Variants in FOXP1 observed in about 807,000 individuals in gnomAD.
FOXP1 encodes forkhead box protein P1.
A neutral mutation model predicts 98.2 loss-of-function variants in FOXP1; 15 were observed. That is an observed-to-expected ratio of 0.15 (90% CI 0.10 to 0.24). The LOEUF (loss-of-function observed/expected upper bound fraction) is 0.24. Among genes scored for constraint, FOXP1 ranks in the 10% least tolerant of loss-of-function variants. The pLI is 1.00. For missense variants in FOXP1, 633 were observed against 848.5 expected (o/e 0.75, Z 3.15); for synonymous variants, 371 against 314.5 (o/e 1.18, Z -1.90).
intron 3 of FOXP1, among the ~76,000 whole-genome samples, chr3:71,397,025 CATAT>C (rs1553871547): frequency 5.9e-5 from 1 of 17,014 alleles, no homozygotes; most frequent in African/African-American, 2.2e-4. Flanking sequence ...TATATATATA[CATAT>C]ATATGTGTAT....
chr3:71,479,387 C>G (rs1178418669), intron 3 of FOXP1, among the ~76,000 whole-genome samples: 1 of 152,154 alleles, frequency 6.6e-6, no homozygotes, highest in South Asian at 2.1e-4. Context: ...AAGAAGTACC[C>G]TTAAGTGAAT....
chr3:71,122,688 C>A (rs1056942352), intron 6 of FOXP1, among the ~76,000 whole-genome samples: 1 of 152,148 alleles, frequency 6.6e-6, no homozygotes, highest in African/African-American at 2.4e-5. Context: ...AAGGGAAGTT[C>A]GGGAAAGTTT....
intron 2 of FOXP1, among the ~76,000 whole-genome samples, chr3:71,542,732 C>T (rs1477048085): frequency 6.6e-6 from 1 of 152,210 alleles, no homozygotes; most frequent in Admixed American, 6.5e-5. Context: ...AAGGAACTGT[C>T]TTGAAGGCTG....
intron 7 of FOXP1, among the ~76,000 whole-genome samples, chr3:71,081,869 T>C (rs1429875403): frequency 6.6e-6 from 1 of 152,252 alleles, no homozygotes; most frequent in Non-Finnish European, 1.5e-5. Context: ...TATCTAAATT[T>C]AAATGAATTA....
At chr3:71,406,412 T>C (rs1002755711) in intron 3 of FOXP1, among the ~76,000 whole-genome samples, 17 of 138,220 alleles carry the variant, frequency 1.2e-4, no homozygotes, top group Non-Finnish European at 2.6e-4. Flanking sequence ...TGTGTATATA[T>C]ATATATATAT....
chr3:71,531,519 G>A (rs1380600365), intron 2 of FOXP1, among the ~76,000 whole-genome samples: 1 of 152,140 alleles, frequency 6.6e-6, no homozygotes, highest in Admixed American at 6.5e-5. Context: ...AAAAAAGAAG[G>A]AAGGAAACAA....
chr3:71,163,098 G>C (rs929016847), intron 6 of FOXP1, among the ~76,000 whole-genome samples: 2 of 152,118 alleles, frequency 1.3e-5, no homozygotes, highest in South Asian at 4.1e-4. Flanking sequence ...GAACTTTGAC[G>C]GTAACTAGGA....
chr3:71,047,571 G>A (rs2049202004), intron 9 of FOXP1, among the ~76,000 whole-genome samples: 1 of 152,126 alleles, frequency 6.6e-6, no homozygotes, highest in Non-Finnish European at 1.5e-5. Flanking sequence ...GAAAAAATCA[G>A]ACCTTTGAAG....
chr3:71,427,731 A>AT (rs1204881606), intron 3 of FOXP1, among the ~76,000 whole-genome samples: 1 of 152,234 alleles, frequency 6.6e-6, no homozygotes, highest in Non-Finnish European at 1.5e-5. Flanking sequence ...CTAAGGGAAC[A>AT]TGAGGGGTGA....
intron 20 of FOXP1, among the ~76,000 whole-genome samples, chr3:70,961,983 T>C (rs2033645247): frequency 6.6e-6 from 1 of 152,204 alleles, no homozygotes; most frequent in South Asian, 2.1e-4. Flanking sequence ...CACACACCTG[T>C]GAACCAGCTC....
intron 3 of FOXP1, among the ~76,000 whole-genome samples, chr3:71,431,304 G>C (rs2084694941): frequency 6.6e-6 from 1 of 152,300 alleles, no homozygotes; most frequent in Non-Finnish European, 1.5e-5. Flanking sequence ...CATAGACAGA[G>C]TGCGAGAATA....
At chr3:71,443,240 G>A (rs1454780635) in intron 3 of FOXP1, among the ~76,000 whole-genome samples, 1 of 152,102 alleles carries the variant, frequency 6.6e-6, no homozygotes, top group African/African-American at 2.4e-5. Flanking sequence ...GTATTCATGG[G>A]GTACTGTGTG....
intron 12 of FOXP1, among the ~76,000 whole-genome samples, chr3:71,003,688 C>T (rs1016287942): frequency 1.3e-5 from 2 of 152,098 alleles, no homozygotes; most frequent in Non-Finnish European, 2.9e-5. Context: ...ATAAGGTTCA[C>T]GACTGAAGGA....
chr3:71,348,224 A>G (rs2077496261), intron 4 of FOXP1, among the ~76,000 whole-genome samples: 4 of 151,976 alleles, frequency 2.6e-5, no homozygotes, highest in African/African-American at 9.7e-5. Flanking sequence ...ATAAGGGGAA[A>G]CTACTGTATT....
chr3:71,085,691 C>G (rs1329303933), intron 7 of FOXP1, among the ~76,000 whole-genome samples: 1 of 136,480 alleles, frequency 7.3e-6, no homozygotes, highest in Non-Finnish European at 1.6e-5. Context: ...TGCTTTATGT[C>G]CAAGTTTTCA....
intron 6 of FOXP1, among the ~76,000 whole-genome samples, chr3:71,183,742 G>A (rs923148238): frequency 1.3e-5 from 2 of 152,224 alleles, no homozygotes; most frequent in African/African-American, 4.8e-5. Flanking sequence ...AACTCTGCCA[G>A]TGGTTCTTCA....
chr3:71,284,324 C>T (rs1422687282), intron 5 of FOXP1, among the ~76,000 whole-genome samples: 4 of 152,054 alleles, frequency 2.6e-5, no homozygotes, highest in South Asian at 2.1e-4. Flanking sequence ...CAGCACTTTG[C>T]GAGGCCAAGA....
rs545074276 is a variant in FOXP1 at position 71,262,795 on chromosome 3, T to C, written c.-12+37025A>G. On this transcript the variant is annotated intron_variant, in intron 5 of 20. Transcript: ENST00000649528. ...AAAAATGACACTTGGGTGGTTACCC[T>C]AGTATTGTGACTAGTTTTAGAAATA... 2.6e-5 allele frequency among the ~76,000 whole-genome samples: 4 copies of C among 152,346 alleles called. No homozygotes were observed. The South Asian group carries it at 8.3e-4, about 32-fold the overall frequency.
At chr3:71,197,832 A>C in intron 6 of FOXP1, 1 of 1,564,142 alleles carries the variant, frequency 6.4e-7, no homozygotes, top group Non-Finnish European at 8.8e-7. Context: ...CACAGGCTTA[A>C]GCCTGTTTTT....
Sources: allele counts gnomAD v4.1 joint callset (sites outside exome capture counted in the v4.1 genomes callset), GRCh38; gene constraint gnomAD v4.1.1; transcripts MANE v1.5; gene names NCBI Gene and HGNC (gene_info 2026-07-23, HGNC 2026-07-21).